Variants in NCAPG2 observed in about 807,000 individuals in gnomAD.
The protein encoded by NCAPG2 is condensin-2 complex subunit G2.
NCAPG2 carries 53 observed loss-of-function variants against 141.1 expected under a neutral mutation model. The observed-to-expected ratio is 0.38, with a 90% CI of 0.30 to 0.47. The LOEUF is 0.47. Ranked by LOEUF, NCAPG2 falls within the 20% of genes least tolerant of loss-of-function variation. The probability of loss-of-function intolerance (pLI) is 0.99; values close to 1 mark genes in which losing one functional copy is unlikely to be tolerated. For synonymous variants in NCAPG2, 499 were observed against 490.7 expected, an observed-to-expected ratio of 1.02 and a Z score of -0.22; for missense variants, 1,087 against 1,389.0, an observed-to-expected ratio of 0.78 and a Z score of 3.46.
At chr7:158,682,466 T>A (rs1460490485) in intron 9 of NCAPG2, among the ~76,000 whole-genome samples, 1 of 152,188 alleles carries the variant, frequency 6.6e-6, no homozygotes, top group African/African-American at 2.4e-5. Context: ...TTTATCCTTG[T>A]GTAACTGAAA....
In NCAPG2 at chr7:158,686,369, T is replaced by C. The variant is rs41271190; in HGVS notation, c.768-128A>G. On this transcript the variant is annotated intron_variant, in intron 7 of 27. Transcript: ENST00000356309. ...GTTTAAACTAGTGCTTTGCAAATCA[T>C]CTATAGAAATAGGTTATCTACCTGT... 9.0e-3 allele frequency: 4,674 copies of C among 518,842 alleles called. 29 individuals are homozygous for C. The highest frequency in any genetic ancestry group is 0.012 in the Non-Finnish European group (3,436 of 297,524). 32.1% of individuals were successfully genotyped at this position (518,842 alleles called of 1,614,324 possible).
chr7:158,693,524 T>A (rs377690064), intron 2 of NCAPG2, 27 bp from the exon 3 acceptor site: 133 of 1,566,632 alleles, frequency 8.5e-5, no homozygotes, highest in Non-Finnish European at 1.1e-4. Flanking sequence ...AAGTGTCACA[T>A]TTCAAATACA....
Position 158,658,150 on chromosome 7 carries a change from A to T in NCAPG2, c.2060+188T>A, listed in dbSNP as rs576747889. Among the ~76,000 whole-genome samples the T allele has an allele frequency of 4.6e-3, 336 of 72,998 alleles. 1 individual carries two copies. Among genetic ancestry groups the T allele is most frequent in the Admixed American group, 0.01 (51 of 5,082 alleles). 47.9% of individuals were successfully genotyped at this position (72,998 alleles called of 152,430 possible). A position where few individuals can be genotyped will look rare whatever the true frequency, so the allele number is the denominator to read the frequency against. On this transcript the variant is annotated intron_variant, in intron 17 of 27. Transcript: ENST00000356309. ...TGAGAAACACCCAAGAATGATCAAT[A>T]AAAAAAAAAAAAAAAAGAAAATCAC...
rs1831861112 is a variant in NCAPG2 at position 158,655,653 on chromosome 7, G to A, written c.2389-198C>T. The stretch of plus-strand genomic sequence containing the variant: ...GGGAAAATGTACAGCCAGGTGAGCA[G>A]CCTCAGCTCACCGTCCACAGCCCTT... On this transcript the variant is annotated intron_variant, in intron 19 of 27. Coordinates refer to ENST00000356309, the MANE Select transcript of NCAPG2 (RefSeq NM_017760.7). 5.6e-3 allele frequency among the ~76,000 whole-genome samples: 4 copies of A among 720 alleles called. No homozygotes were observed. In the South Asian group the frequency reaches 0.17, roughly 30 times the overall value. The allele number at this position is 720 out of a possible 152,430, so 0.5% of individuals were successfully genotyped here.
In NCAPG2 at chr7:158,633,281, C is replaced by A. The variant is rs1829999175; in HGVS notation, c.3381-1564G>T. On this transcript the variant is annotated intron_variant, in intron 27 of 27. Coordinates refer to ENST00000356309, the MANE Select transcript of NCAPG2 (RefSeq NM_017760.7). The surrounding 1 kb of genome is among the most constrained non-coding windows in gnomAD (Gnocchi z 4.1). The stretch of plus-strand genomic sequence containing the variant: ...GTTCTGAGACATCTCTCCAAATTGA[C>A]CTTTCTGGAATTTGACTATCACAGG... 2.9e-5 allele frequency among the ~76,000 whole-genome samples: 3 copies of A among 105,234 alleles called. No individual in the cohort carries two copies. The highest frequency in any genetic ancestry group is 7.6e-5 in the African/African-American group (2 of 26,254). The allele number at this position is 105,234 out of a possible 152,430, so 69.0% of individuals were successfully genotyped here.
chr7:158,675,486 A>G lies in NCAPG2; in HGVS notation c.1317T>C (p.Ser439=). 6.3e-7 allele frequency: 1 copy of G among 1,594,572 alleles called. No homozygotes were observed. Among genetic ancestry groups the G allele is most frequent in the Non-Finnish European group, 8.5e-7 (1 of 1,175,416 alleles). ...ATTTAAAAAATCTTACCTTAAAGAC[A>G]GAACAACGAACATCAGCTGAGCTCG... The part of the protein sequence containing the change: ...FDTSSADVRC[S]VFKCLPMILD... The change falls in exon 12 of 28, where the codon TCT becomes TCC. Residue 439 remains serine (S), a synonymous_variant. Transcript: ENST00000356309.
chr7:158,641,810 A>T (rs1830670652), intron 27 of NCAPG2, among the ~76,000 whole-genome samples: 1 of 152,248 alleles, frequency 6.6e-6, no homozygotes, highest in Non-Finnish European at 1.5e-5. Context: ...GTCAGTTATT[A>T]TAGTTGGAGA....
intron 4 of NCAPG2, among the ~76,000 whole-genome samples, chr7:158,691,555 AAACT>A (rs1835119006): frequency 6.6e-6 from 1 of 152,224 alleles, no homozygotes; most frequent in Admixed American, 6.5e-5. Context: ...TTGTCACAAC[AAACT>A]AATTACACTC....
chr7:158,635,246 C>T (rs1436598464), intron 27 of NCAPG2, among the ~76,000 whole-genome samples: 2 of 151,962 alleles, frequency 1.3e-5, no homozygotes, highest in East Asian at 1.9e-4. Flanking sequence ...AAAAAGCATC[C>T]AGCCTCAAAT....
intron 27 of NCAPG2, among the ~76,000 whole-genome samples, chr7:158,636,952 CTTCT>C (rs992081648): frequency 2.0e-5 from 3 of 151,644 alleles, no homozygotes; most frequent in Non-Finnish European, 4.4e-5. Context: ...TCTTCTTCTT[CTTCT>C]TTTTTTTTTG....
intron 16 of NCAPG2, among the ~76,000 whole-genome samples, chr7:158,661,285 C>A (rs915148625): frequency 6.6e-6 from 1 of 152,146 alleles, no homozygotes; most frequent in African/African-American, 2.4e-5. Flanking sequence ...ATAAGACCTA[C>A]GATCTTTCTA....
chr7:158,662,371 A>G lies in NCAPG2; in HGVS notation c.1816-4T>C. ...CTGACAGTGTTTTGTCCAGAACCTA[A>G]GATAAAAATAATTTTATTGTGAAAG... On this transcript the variant is annotated splice_polypyrimidine_tract_variant and splice_region_variant and intron_variant, in intron 15 of 27. Coordinates refer to ENST00000356309, the MANE Select transcript of NCAPG2 (RefSeq NM_017760.7). 6.5e-7 allele frequency: 1 copy of G among 1,544,624 alleles called. No individual in the cohort carries two copies. The highest frequency in any genetic ancestry group is 8.7e-7 in the Non-Finnish European group (1 of 1,148,560).
At chr7:158,659,156 C>A (rs1217070935) in intron 16 of NCAPG2, among the ~76,000 whole-genome samples, 3 of 151,408 alleles carry the variant, frequency 2.0e-5, no homozygotes. Flanking sequence ...ATGGTGAAAC[C>A]CTGTTCCTAC....
Position 158,653,614 on chromosome 7 carries a change from C to A in NCAPG2, c.2746+981G>T, listed in dbSNP as rs1427039518. Reference sequence around the variant, plus strand: ...TGGGGGTGTCCACACACACAGACCCCTCTGGAATCTGCCATGAAGATATTT... The same window carrying A: ...TGGGGGTGTCCACACACACAGACCCATCTGGAATCTGCCATGAAGATATTT... On this transcript the variant is annotated intron_variant, in intron 22 of 27. Transcript: ENST00000356309. Among the ~76,000 whole-genome samples, 5 of 152,200 alleles carry A rather than the reference C, an allele frequency of 3.3e-5. No individual in the cohort carries two copies. In the South Asian group the frequency reaches 1.0e-3, roughly 32 times the overall value.
At chr7:158,637,539 C>A (rs1830335816) in intron 27 of NCAPG2, among the ~76,000 whole-genome samples, 1 of 152,302 alleles carries the variant, frequency 6.6e-6, no homozygotes, top group Non-Finnish European at 1.5e-5. Flanking sequence ...CACACAGGAG[C>A]CTGTGGGACT....
chr7:158,644,168 G>T lies in NCAPG2; in HGVS notation c.3380+121C>A, dbSNP rs1390007472. On this transcript the variant is annotated intron_variant, in intron 27 of 27. Transcript: ENST00000356309. ...GCCAACAGAAACATTTCTCTCCTTA[G>T]AGTCCCCAGTCTCCTAACCACCTGG... The T allele has an allele frequency of 4.6e-5, 33 of 721,630 alleles. 2 individuals carry two copies. The highest frequency in any genetic ancestry group is 4.4e-4 in the South Asian group (23 of 51,724). The allele number at this position is 721,630 out of a possible 1,614,324, so 44.7% of individuals were successfully genotyped here. A position where few individuals can be genotyped will look rare whatever the true frequency, so the allele number is the denominator to read the frequency against.
chr7:158,664,673 C>T lies in NCAPG2; in HGVS notation c.1557G>A (p.Val519=). 1 of 1,614,164 alleles carries T rather than the reference C, an allele frequency of 6.2e-7. No homozygotes were observed. The highest frequency in any genetic ancestry group is 8.5e-7 in the Non-Finnish European group (1 of 1,180,032). The part of the protein sequence containing the change: ...TDSRPVSRRL[V]SLIFNSFLPV... ...GCAGGAAAGAATTAAAGATGAGGCT[C>T]ACCAGGCGCCGAGACACAGGTCGAG... The change falls in exon 14 of 28, where the codon GTG becomes GTA. Residue 519 remains valine (V), a synonymous_variant. Transcript: ENST00000356309.
intron 2 of NCAPG2, among the ~76,000 whole-genome samples, chr7:158,694,645 A>C (rs1835335364): frequency 6.6e-6 from 1 of 152,166 alleles, no homozygotes; most frequent in South Asian, 2.1e-4. Context: ...AGCCACTTGC[A>C]CTCTTCAAAA....
chr7:158,683,322 G>A lies in NCAPG2; in HGVS notation c.902C>T (p.Pro301Leu). 1 of 1,603,040 alleles carries A rather than the reference G, an allele frequency of 6.2e-7. No individual in the cohort carries two copies. Among genetic ancestry groups the A allele is most frequent in the Non-Finnish European group, 8.5e-7 (1 of 1,175,358 alleles). ...TACCTCCCGCACTTTGGAATGCACTGGAGACCTCCTCGGAAGGTGTATCCC... is the reference window on the plus strand; with the variant it reads ...TACCTCCCGCACTTTGGAATGCACTAGAGACCTCCTCGGAAGGTGTATCCC... ...FHGIHLPRRS[P>L]VHSKVREVLS... is the part of the protein sequence containing the mutation. Residue 301 changes from proline to leucine, a missense_variant, in exon 9 of 28, where the codon CCA (proline) becomes CTA (leucine). Transcript: ENST00000356309.
Sources: allele counts gnomAD v4.1 joint callset (sites outside exome capture counted in the v4.1 genomes callset), GRCh38; gene constraint gnomAD v4.1.1; non-coding constraint Gnocchi (gnomAD v3.1); transcripts MANE v1.5; gene names NCBI Gene and HGNC (gene_info 2026-07-23, HGNC 2026-07-21).